Variants in MTMR9 observed in about 807,000 individuals in gnomAD.
MTMR9 encodes myotubularin related protein 9.
MTMR9 carries 39 observed loss-of-function variants against 69.5 expected under a neutral mutation model. That is an observed-to-expected ratio of 0.56 (90% CI 0.43 to 0.73). MTMR9 has a LOEUF of 0.73. Ranked by LOEUF, MTMR9 falls within the 30% of genes least tolerant of loss-of-function variation. MTMR9 has a pLI of 0.00. For missense variants in MTMR9, 900 were observed against 671.2 expected (o/e 1.34, Z -3.77); for synonymous variants, 354 against 240.8 (o/e 1.47, Z -4.35).
Position 11,322,793 on chromosome 8 carries a change from T to C in MTMR9, c.*5T>C, listed in dbSNP as rs1563288700. On this transcript the variant is annotated 3_prime_UTR_variant, in exon 10 of 10. Coordinates refer to ENST00000221086, the MANE Select transcript of MTMR9 (RefSeq NM_015458.4). The stretch of plus-strand genomic sequence containing the variant: ...GGGATGCAGGAGAGTCCCTGAAAGG[T>C]CTCCTCGCACCCTTCGCAAGGACCT... The C allele has an allele frequency of 6.2e-7, 1 of 1,613,154 alleles. No homozygotes were observed. The highest frequency in any genetic ancestry group is 1.1e-5 in the South Asian group (1 of 90,948).
At chr8:11,334,715 G>A in the MTMR9 span, among the ~76,000 whole-genome samples, 2 of 152,032 alleles carry the variant, frequency 1.3e-5, no homozygotes, top group African/African-American at 2.4e-5. Context: ...AGACAATGAC[G>A]GAATGGAAAA....
intron 3 of MTMR9, among the ~76,000 whole-genome samples, chr8:11,301,639 T>C (rs1248988965): frequency 6.6e-6 from 1 of 152,164 alleles, no homozygotes; most frequent in African/African-American, 2.4e-5. Flanking sequence ...GAAAGCAGGT[T>C]AGTGATTTCC....
the MTMR9 span, among the ~76,000 whole-genome samples, chr8:11,334,717 A>T: frequency 6.6e-6 from 1 of 152,174 alleles, no homozygotes; most frequent in Non-Finnish European, 1.5e-5. Flanking sequence ...ACAATGACGG[A>T]ATGGAAAAAA....
At position 11,309,292 on chromosome 8, in the gene MTMR9, G is replaced by A. The variant is rs1345384389; in HGVS notation, c.810-235G>A. ...CAGATAATCCAGGTATGTGAACTGG[G>A]TTTAATCTGTTCAGGTAAGGAATAC... On this transcript the variant is annotated intron_variant, in intron 5 of 9. Coordinates refer to ENST00000221086, the MANE Select transcript of MTMR9 (RefSeq NM_015458.4). Among the ~76,000 whole-genome samples the A allele has an allele frequency of 3.3e-5, 5 of 152,304 alleles. No individual in the cohort carries two copies. The East Asian group carries it at 7.7e-4, about 23-fold the overall frequency.
At chr8:11,297,656 G>A (rs878905267) in intron 2 of MTMR9, among the ~76,000 whole-genome samples, 2 of 152,206 alleles carry the variant, frequency 1.3e-5, no homozygotes, top group South Asian at 4.2e-4. Flanking sequence ...CCTGTGGTGA[G>A]GCACAGTGGT....
intron 9 of MTMR9, chr8:11,321,338 G>A (rs962783724): frequency 1.1e-5 from 5 of 450,436 alleles, no homozygotes; most frequent in Middle Eastern, 3.3e-4. Context: ...TCTCTTAAAC[G>A]AGAGGTTACA....
chr8:11,314,906 C>A lies in MTMR9; in HGVS notation c.972-17C>A. 6.2e-7 allele frequency: 1 copy of A among 1,611,560 alleles called. No homozygotes were observed. Among genetic ancestry groups the A allele is most frequent in the South Asian group, 1.1e-5 (1 of 90,980 alleles). The stretch of plus-strand genomic sequence containing the variant: ...TGGACATTTCCCATTTGTACTCTTC[C>A]CTGATTTTCCTATCAGGGAAGGAGC... On this transcript the variant is annotated splice_polypyrimidine_tract_variant and intron_variant, in intron 6 of 9. Transcript: ENST00000221086.
chr8:11,330,767 A>G (rs929445620), downstream of MTMR9: 3 of 417,448 alleles, frequency 7.2e-6, no homozygotes, highest in Admixed American at 1.3e-4. Context: ...GTACCCAGGG[A>G]CACAAACACT....
At chr8:11,314,410 A>C (rs1800326859) in intron 6 of MTMR9, among the ~76,000 whole-genome samples, 1 of 152,058 alleles carries the variant, frequency 6.6e-6, no homozygotes, top group South Asian at 2.1e-4. Flanking sequence ...CGTGTTTCTC[A>C]AAGTGTGGTC....
rs1306130136 is a variant in MTMR9, at chr8:11,322,606, C to G, written c.1487-19C>G. The G allele has an allele frequency of 6.2e-7, 1 of 1,609,534 alleles. No homozygotes were observed. Among genetic ancestry groups the G allele is most frequent in the South Asian group, 1.1e-5 (1 of 90,508 alleles). On this transcript the variant is annotated intron_variant, in intron 9 of 9. Coordinates refer to ENST00000221086, the MANE Select transcript of MTMR9 (RefSeq NM_015458.4). ...TATATACCTTTCTTGCTTCTGTTTT[C>G]CATTCCTGGATTCAATAGGTATTTT... is the stretch of plus-strand genomic sequence containing the variant.
chr8:11,305,362 G>C (rs931172482), intron 4 of MTMR9, among the ~76,000 whole-genome samples: 7 of 152,122 alleles, frequency 4.6e-5, no homozygotes, highest in African/African-American at 1.4e-4. Flanking sequence ...TAAAATACTT[G>C]AATTTTTCTT....
chr8:11,315,090 A>C (rs769848061), intron 7 of MTMR9, 26 bp downstream of exon 7: 3 of 1,605,374 alleles, frequency 1.9e-6, no homozygotes, highest in East Asian at 2.2e-5. Flanking sequence ...TGATTCACAG[A>C]GGAACTGCTT....
intron 5 of MTMR9, 68 bp from the exon 6 acceptor site, chr8:11,309,459 C>A (rs948719436): frequency 2.2e-6 from 3 of 1,393,322 alleles, no homozygotes; most frequent in African/African-American, 2.9e-5. Context: ...GAGGCTGAAT[C>A]TTTGGTTTGG....
chr8:11,331,820 CTT>C, downstream of MTMR9: 1 of 1,611,912 alleles, frequency 6.2e-7, no homozygotes. Flanking sequence ...TGCCAGGCCT[CTT>C]TGTGCTGCAG....
chr8:11,286,726 C>G (rs893076025), intron 1 of MTMR9, among the ~76,000 whole-genome samples: 8 of 151,508 alleles, frequency 5.3e-5, no homozygotes, highest in South Asian at 2.1e-4. Context: ...ATCTAAACCC[C>G]TCAGTCATTC....
intron 6 of MTMR9, 79 bp from the exon 7 acceptor site, chr8:11,314,844 A>G (rs543428323): frequency 3.0e-5 from 43 of 1,436,398 alleles, no homozygotes; most frequent in African/African-American, 2.5e-4. Context: ...GTTGTGCTCA[A>G]TAAACGCTTG....
At chr8:11,305,044 C>T in intron 4 of MTMR9, 30 bp downstream of exon 4, 1 of 1,599,844 alleles carries the variant, frequency 6.3e-7, no homozygotes. Flanking sequence ...GCTTGATGTA[C>T]TGAAAGGCTT....
At chr8:11,339,009 C>A in the MTMR9 span, among the ~76,000 whole-genome samples, 1 of 152,206 alleles carries the variant, frequency 6.6e-6, no homozygotes. Context: ...AGAGTAGGGT[C>A]ATATAGTGTC....
rs528031556 is a variant in MTMR9, at chr8:11,295,369, A to G, written c.291+67A>G. 2.4e-5 allele frequency: 22 copies of G among 903,332 alleles called. No individual in the cohort carries two copies. The South Asian group carries it at 2.8e-4, about 12-fold the overall frequency. 56.0% of individuals were successfully genotyped at this position (903,332 alleles called of 1,614,324 possible). A position where few individuals can be genotyped will look rare whatever the true frequency, so the allele number is the denominator to read the frequency against. On this transcript the variant is annotated intron_variant, in intron 2 of 9. Transcript: ENST00000221086. ...TATTATGACTCAGTGTAGCTCTTCC[A>G]TTTCTTCATTAGATAATTTAGTCAT...
Sources: gnomAD v4.1 joint callset for allele counts (sites outside exome capture counted in the v4.1 genomes callset) on GRCh38, gnomAD v4.1.1 for gene constraint, MANE v1.5 for transcripts, NCBI Gene and HGNC (gene_info 2026-07-23, HGNC 2026-07-21) for gene names.